The following CARMIL1 variants were observed in gnomAD, a reference collection of about 807,000 sequenced individuals.
The protein encoded by CARMIL1 is F-actin-uncapping protein LRRC16A.
CARMIL1 carries 90 observed loss-of-function variants against 177.1 expected under a neutral mutation model. The ratio of observed to expected loss-of-function variants is 0.51; its 90% confidence interval spans 0.43 to 0.61. The LOEUF is 0.61. CARMIL1 is among the 20% of genes least tolerant of loss of function. The pLI, the probability that CARMIL1 is intolerant of heterozygous loss-of-function variation, is 0.00. For missense variants in CARMIL1, 1,380 were observed against 1,667.0 expected, an observed-to-expected ratio of 0.83 and a Z score of 3.00; for synonymous variants, 577 against 606.2, an observed-to-expected ratio of 0.95 and a Z score of 0.71.
At chr6:25,564,011 G>C (rs1204845277) in intron 29 of CARMIL1, 1 of 292,758 alleles carries the variant, frequency 3.4e-6, no homozygotes, top group African/African-American at 2.3e-5. Context: ...ATCATATTAA[G>C]TATCATAAGT....
intron 31 of CARMIL1, among the ~76,000 whole-genome samples, chr6:25,585,137 T>C (rs1813511689): frequency 6.6e-6 from 1 of 152,242 alleles, no homozygotes; most frequent in Non-Finnish European, 1.5e-5. Context: ...CCTTATGATA[T>C]CACGCTGCTT....
chr6:25,421,339 AG>A (rs1795832740), intron 3 of CARMIL1, among the ~76,000 whole-genome samples: 1 of 152,082 alleles, frequency 6.6e-6, no homozygotes, highest in Admixed American at 6.5e-5. Flanking sequence ...ATCTCACACC[AG>A]TTAGAATGGC....
At chr6:25,451,649 T>C (rs1023841593) in intron 8 of CARMIL1, among the ~76,000 whole-genome samples, 2 of 152,190 alleles carry the variant, frequency 1.3e-5, no homozygotes, top group Non-Finnish European at 2.9e-5. Context: ...AAATTTATTT[T>C]GCTCTCTAAC....
At chr6:25,591,745 C>T (rs1814320512) in intron 31 of CARMIL1, among the ~76,000 whole-genome samples, 1 of 152,212 alleles carries the variant, frequency 6.6e-6, no homozygotes, top group Admixed American at 6.5e-5. Flanking sequence ...TAAACCATGT[C>T]TCATGGAAGA....
chr6:25,351,339 A>C (rs1788084167), intron 2 of CARMIL1, among the ~76,000 whole-genome samples: 1 of 152,240 alleles, frequency 6.6e-6, no homozygotes, highest in Non-Finnish European at 1.5e-5. Context: ...ATCTTTTTAA[A>C]ATATGTGGCT....
At chr6:25,606,321 C>T (rs1815966321) in intron 35 of CARMIL1, 48 bp downstream of exon 35, 1 of 1,560,900 alleles carries the variant, frequency 6.4e-7, no homozygotes, top group Non-Finnish European at 8.7e-7. Flanking sequence ...GGTGGCTTCC[C>T]AGAGCCAGCT....
intron 36 of CARMIL1, among the ~76,000 whole-genome samples, chr6:25,618,649 G>A (rs1759485335): frequency 6.6e-6 from 1 of 152,180 alleles, no homozygotes; most frequent in Non-Finnish European, 1.5e-5. Flanking sequence ...GTAATTGTGA[G>A]GAATAGCGAT....
intron 23 of CARMIL1, among the ~76,000 whole-genome samples, chr6:25,526,150 CAAATAAATAAATAAATAAATAAAT>C (rs71544642): frequency 1.4e-5 from 2 of 139,150 alleles, no homozygotes; most frequent in African/African-American, 2.7e-5. Context: ...ACTAAAAATA[CAAATAAATAAATAAATAAATAAAT>C]AAATAAATAA....
intron 20 of CARMIL1, among the ~76,000 whole-genome samples, chr6:25,512,135 C>T (rs1356481902): frequency 6.6e-6 from 1 of 152,048 alleles, no homozygotes; most frequent in African/African-American, 2.4e-5. Context: ...AAATTCACCC[C>T]AAGATGTTTT....
At chr6:25,495,352 A>G in intron 16 of CARMIL1, 137 bp downstream of exon 16, 1 of 541,566 alleles carries the variant, frequency 1.8e-6, no homozygotes, top group South Asian at 3.1e-5. Flanking sequence ...CTGGGGCAGA[A>G]AAATAAATTA....
intron 2 of CARMIL1, among the ~76,000 whole-genome samples, chr6:25,342,204 G>A (rs1569558): frequency 0.25 from 38,700 of 152,096 alleles, 4,961 homozygotes; most frequent in South Asian, 0.35. Context: ...AATGTGATTT[G>A]GTATCTTTGA....
In CARMIL1 at chr6:25,384,054, G is replaced by C. The variant is rs147738858; in HGVS notation, c.139-36060G>C. Among the ~76,000 whole-genome samples, 373 of 152,276 alleles carry C rather than the reference G, an allele frequency of 2.4e-3. 2 individuals are homozygous for C. Among genetic ancestry groups the C allele is most frequent in the African/African-American group, 8.4e-3 (351 of 41,544 alleles). On this transcript the variant is annotated intron_variant, in intron 2 of 36. Coordinates refer to ENST00000329474, the MANE Select transcript of CARMIL1 (RefSeq NM_017640.6). Reference sequence around the variant, plus strand: ...GGGGTTTCACATGTTTGCCAGGCAGGTCTCGAACTCCTGACCTCAAGCGCT... The same window carrying C: ...GGGGTTTCACATGTTTGCCAGGCAGCTCTCGAACTCCTGACCTCAAGCGCT...
chr6:25,578,119 C>G (rs1444334463), intron 29 of CARMIL1, among the ~76,000 whole-genome samples: 2 of 152,068 alleles, frequency 1.3e-5, no homozygotes, highest in Non-Finnish European at 2.9e-5. Context: ...CAGTATGTAC[C>G]TCTTCTTTTT....
intron 2 of CARMIL1, among the ~76,000 whole-genome samples, chr6:25,357,567 G>A (rs540651131): frequency 1.3e-5 from 2 of 152,286 alleles, no homozygotes; most frequent in South Asian, 2.1e-4. Flanking sequence ...CTAGGGGACA[G>A]AGTGAAATTT....
At chr6:25,525,503 A>T (rs1334835177) in intron 23 of CARMIL1, among the ~76,000 whole-genome samples, 1 of 152,244 alleles carries the variant, frequency 6.6e-6, no homozygotes, top group Non-Finnish European at 1.5e-5. Context: ...TTCAGGGAGA[A>T]GGAAAATGAT....
intron 8 of CARMIL1, among the ~76,000 whole-genome samples, chr6:25,461,537 T>C (rs554841917): frequency 6.6e-6 from 1 of 152,356 alleles, no homozygotes; most frequent in Admixed American, 6.5e-5. Flanking sequence ...TGTATTAATA[T>C]TACCTCTTCT....
At chr6:25,361,875 C>T (rs908944500) in intron 2 of CARMIL1, among the ~76,000 whole-genome samples, 4 of 151,800 alleles carry the variant, frequency 2.6e-5, no homozygotes, top group Admixed American at 6.6e-5. Context: ...GGAAGGCCCT[C>T]GCCAGATGCA....
chr6:25,459,266 C>CTTTCTTTCTTTCTTTCTTTCTTTCTTTT, intron 8 of CARMIL1, among the ~76,000 whole-genome samples: 2 of 73,752 alleles, frequency 2.7e-5, no homozygotes, highest in Non-Finnish European at 5.9e-5. Flanking sequence ...TTCTTTCTTT[C>CTTTCTTTCTTTCTTTCTTTCTTTCTTTT]TTTTTTTTTT....
intron 12 of CARMIL1, 82 bp downstream of exon 12, chr6:25,482,425 A>T (rs1273602972): frequency 3.3e-6 from 2 of 615,076 alleles, no homozygotes; most frequent in Non-Finnish European, 5.6e-6. Context: ...TATTTGTTAC[A>T]TTTAAAAATA....
Sources: gnomAD v4.1 joint callset for allele counts (sites outside exome capture counted in the v4.1 genomes callset) on GRCh38, gnomAD v4.1.1 for gene constraint, MANE v1.5 for transcripts, NCBI Gene and HGNC (gene_info 2026-07-23, HGNC 2026-07-21) for gene names.